Variants in MMP19 observed in about 807,000 individuals in gnomAD.
MMP19 encodes the protein matrix metalloproteinase-19.
Under a neutral mutation model 46.6 loss-of-function variants are expected in MMP19, and 47 were observed. The observed-to-expected ratio is 1.01, with a 90% CI of 0.80 to 1.29. MMP19 has a LOEUF of 1.29. MMP19 is among the 50% of genes most tolerant of loss of function. The pLI is 0.00. For missense variants in MMP19, 589 were observed against 643.5 expected, an observed-to-expected ratio of 0.92 and a Z score of 0.92; for synonymous variants, 222 against 248.5, an observed-to-expected ratio of 0.89 and a Z score of 1.00.
Position 55,837,875 on chromosome 12 carries a change from G to C in MMP19, c.1028C>G (p.Ser343Trp). The change falls in exon 7 of 9, where the codon TCG becomes TGG. Residue 343 changes from serine (S) to tryptophan (W), a missense_variant. By Grantham distance (177) the Ser-to-Trp change is radical. Coordinates refer to ENST00000322569, the MANE Select transcript of MMP19 (RefSeq NM_002429.6). Reference protein sequence around the residue: ...LPGNLDAAVYSPRTQWIHFFK... With the variant: ...LPGNLDAAVYWPRTQWIHFFK... ...GAAGTGAATCCATTGTGTTCGAGGC[G>C]AGTAGACAGCAGCATCCAGGTTTCC... is the stretch of plus-strand genomic sequence containing the variant. 6.2e-7 allele frequency: 1 copy of C among 1,612,538 alleles called. No individual in the cohort carries two copies. The highest frequency in any genetic ancestry group is 8.5e-7 in the Non-Finnish European group (1 of 1,178,750).
Position 55,840,793 on chromosome 12 carries a change from C to T in MMP19, c.394G>A (p.Ala132Thr). The T allele has an allele frequency of 2.5e-6, 4 of 1,613,648 alleles. No individual in the cohort carries two copies. The South Asian group carries it at 4.4e-5, about 18-fold the overall frequency. Residue 132 changes from alanine to threonine, a missense_variant, in exon 4 of 9, where the codon GCC (alanine) becomes ACC (threonine). Coordinates refer to ENST00000322569, the MANE Select transcript of MMP19 (RefSeq NM_002429.6). Reference sequence around the variant, plus strand: ...GCCACATTGCTCCAGTCCTGGAAGGCTTGACGCAGGGCTGCCCGGGCTGTG... The same window carrying T: ...GCCACATTGCTCCAGTCCTGGAAGGTTTGACGCAGGGCTGCCCGGGCTGTG... ...PHTARAALRQ[A>T]FQDWSNVAPL...
At chr12:55,838,499 C>T in intron 6 of MMP19, 107 bp downstream of exon 6, 2 of 1,608,374 alleles carry the variant, frequency 1.2e-6, no homozygotes, top group Non-Finnish European at 1.7e-6. Flanking sequence ...TGGGGTCTAA[C>T]CTCCATTGCT....
chr12:55,837,874 C>T lies in MMP19; in HGVS notation c.1029G>A (p.Ser343=), dbSNP rs761794268. The change falls in exon 7 of 9, where the codon TCG becomes TCA. Residue 343 remains serine, a synonymous_variant. Coordinates refer to ENST00000322569, the MANE Select transcript of MMP19 (RefSeq NM_002429.6). ...LPGNLDAAVY[S]PRTQWIHFFK... ...AGAAGTGAATCCATTGTGTTCGAGG[C>T]GAGTAGACAGCAGCATCCAGGTTTC... is the stretch of plus-strand genomic sequence containing the variant. 9.3e-6 allele frequency: 15 copies of T among 1,612,264 alleles called. No individual in the cohort carries two copies. In the South Asian group the frequency reaches 1.4e-4, roughly 15 times the overall value.
At chr12:55,838,999 G>A (rs1226000935) in intron 5 of MMP19, among the ~76,000 whole-genome samples, 1 of 152,134 alleles carries the variant, frequency 6.6e-6, no homozygotes, top group Non-Finnish European at 1.5e-5. Flanking sequence ...TAGGACTTTG[G>A]GAGGCTGAGG....
chr12:55,837,460 G>A (rs1321627764), intron 8 of MMP19, 86 bp from the exon 9 acceptor site: 26 of 1,586,420 alleles, frequency 1.6e-5, no homozygotes, highest in Non-Finnish European at 2.1e-5. Context: ...CACTGCAGCT[G>A]CAGAACATCT....
intron 5 of MMP19, 117 bp from the exon 6 acceptor site, chr12:55,838,851 C>T (rs1881461537): frequency 2.4e-6 from 2 of 822,842 alleles, no homozygotes; most frequent in Non-Finnish European, 1.9e-6. Context: ...AATCCTAGAG[C>T]GTTTTCATTT....
At chr12:55,839,159 T>G (rs1025092126) in intron 5 of MMP19, among the ~76,000 whole-genome samples, 10 of 151,402 alleles carry the variant, frequency 6.6e-5, no homozygotes, top group African/African-American at 1.2e-4. Context: ...GGAGAATGGC[T>G]TGAACCCGGG....
At chr12:55,839,386 G>C in intron 5 of MMP19, 110 bp downstream of exon 5, 1 of 1,361,254 alleles carries the variant, frequency 7.3e-7, no homozygotes, top group Non-Finnish European at 1.0e-6. Flanking sequence ...CTGGGCTGGA[G>C]GAGAAGAAAG....
intron 7 of MMP19, 44 bp downstream of exon 7, chr12:55,837,799 G>T: frequency 6.3e-7 from 1 of 1,593,838 alleles, no homozygotes; most frequent in Non-Finnish European, 8.6e-7. Context: ...GTTTCTTTAA[G>T]ATTAGGCCCT....
chr12:55,840,595 A>C (rs1362235842), intron 4 of MMP19, 72 bp downstream of exon 4: 1 of 1,450,166 alleles, frequency 6.9e-7, no homozygotes, highest in Admixed American at 1.8e-5. Context: ...TCAAGGTTCT[A>C]GAGTCACTGG....
intron 4 of MMP19, 150 bp downstream of exon 4, chr12:55,840,517 G>GCCCGTGCT (rs1565698373): frequency 8.7e-6 from 6 of 689,354 alleles, no homozygotes; most frequent in Non-Finnish European, 1.4e-5. Flanking sequence ...GACCAACTGC[G>GCCCGTGCT]CCCGTGCTCC....
rs1204075258 is a variant in MMP19, at chr12:55,840,785, C to A, written c.402G>T (p.Gln134His). 1.9e-6 allele frequency: 3 copies of A among 1,613,730 alleles called. No homozygotes were observed. The African/African-American group carries it at 4.0e-5, about 22-fold the overall frequency. Residue 134 changes from glutamine (Q) to histidine (H), a missense_variant, in exon 4 of 9, where the codon CAG (glutamine) becomes CAT (histidine). Transcript: ENST00000322569. The stretch of plus-strand genomic sequence containing the variant: ...TCAAGGGAGCCACATTGCTCCAGTC[C>A]TGGAAGGCTTGACGCAGGGCTGCCC... ...TARAALRQAFQDWSNVAPLTF... is the reference protein window; with the variant it reads ...TARAALRQAFHDWSNVAPLTF...
At chr12:55,837,472 C>A in intron 8 of MMP19, 83 bp downstream of exon 8, 1 of 1,594,902 alleles carries the variant, frequency 6.3e-7, no homozygotes, top group African/African-American at 1.3e-5. Context: ...AGAACATCTC[C>A]CTTCAAGCGC....
chr12:55,837,193 A>G lies in MMP19; in HGVS notation c.1370T>C (p.Val457Ala). The change falls in exon 9 of 9, where the codon GTA becomes GCA. Residue 457 changes from valine (V) to alanine (A), a missense_variant. By Grantham distance (64) the Val-to-Ala change is moderately conservative (BLOSUM62 0). Coordinates refer to ENST00000322569, the MANE Select transcript of MMP19 (RefSeq NM_002429.6). Reference sequence around the variant, plus strand: ...AATATTTCTGGGATAGCCTTTCTCTACTCGAAGCTGCTGGTTGAGGCGCCA... The same window carrying G: ...AATATTTCTGGGATAGCCTTTCTCTGCTCGAAGCTGCTGGTTGAGGCGCCA... ...VYWRLNQQLR[V>A]EKGYPRNISH... is the part of the protein sequence containing the mutation. 6.2e-7 allele frequency: 1 copy of G among 1,614,086 alleles called. No homozygotes were observed. Among genetic ancestry groups the G allele is most frequent in the African/African-American group, 1.3e-5 (1 of 74,982 alleles).
At chr12:55,838,243 C>T in intron 6 of MMP19, 1 of 621,250 alleles carries the variant, frequency 1.6e-6, no homozygotes, top group East Asian at 2.8e-5. Flanking sequence ...CTGCAGATAG[C>T]TATTCCTCCT....
Position 55,839,481 on chromosome 12 carries a change from G to A in MMP19, c.766+15C>T, listed in dbSNP as rs767677068. ...GTCAGACTGACCCTCCCCCTCACTA[G>A]GGGGAGGGACTGACCATAGAGAGCC... On this transcript the variant is annotated intron_variant, in intron 5 of 8. Coordinates refer to ENST00000322569, the MANE Select transcript of MMP19 (RefSeq NM_002429.6). 6.3e-7 allele frequency: 1 copy of A among 1,590,936 alleles called. No homozygotes were observed. Among genetic ancestry groups the A allele is most frequent in the South Asian group, 1.1e-5 (1 of 89,416 alleles).
chr12:55,838,307 T>C (rs1592605338), intron 6 of MMP19: 3 of 650,570 alleles, frequency 4.6e-6, no homozygotes, highest in South Asian at 3.8e-5. Flanking sequence ...TCCAACCAGG[T>C]GCACCCTCTC....
rs201586295 is a variant in MMP19 at position 55,837,608 on chromosome 12, T to G, written c.1135A>C (p.Asn379His). 5 of 1,614,116 alleles carry G rather than the reference T, an allele frequency of 3.1e-6. No homozygotes were observed. The highest frequency in any genetic ancestry group is 4.2e-6 in the Non-Finnish European group (5 of 1,180,058). The change falls in exon 8 of 9, where the codon AAC (asparagine) becomes CAC (histidine). Residue 379 changes from asparagine to histidine, a missense_variant. Physicochemically the swap from Asn to His is moderately conservative, Grantham distance 68. Transcript: ENST00000322569. ...FPKKLNRVEP[N>H]LDAALYWPLN... ...GGCCAATAGAGAGCTGCATCCAGGT[T>G]AGGTTCTACCCTATTCAGCTTCTTG... is the stretch of plus-strand genomic sequence containing the variant.
chr12:55,836,802 A>G lies in MMP19; in HGVS notation c.*234T>C. The G allele has an allele frequency of 2.4e-6, 1 of 414,080 alleles. No homozygotes were observed. The highest frequency in any genetic ancestry group is 2.0e-5 in the African/African-American group (1 of 49,012). 25.7% of individuals were successfully genotyped at this position (414,080 alleles called of 1,614,324 possible). A position where few individuals can be genotyped will look rare whatever the true frequency, so the allele number is the denominator to read the frequency against. On this transcript the variant is annotated 3_prime_UTR_variant, in exon 9 of 9. Coordinates refer to ENST00000322569, the MANE Select transcript of MMP19 (RefSeq NM_002429.6). ...GGCCAAATCTAAGTTAGGGGATCTG[A>G]GTTAGGGGAGCACTTCTCAGGAGTG...
Sources: gnomAD v4.1 joint callset for allele counts (sites outside exome capture counted in the v4.1 genomes callset) on GRCh38, gnomAD v4.1.1 for gene constraint, MANE v1.5 for transcripts, NCBI Gene and HGNC (gene_info 2026-07-23, HGNC 2026-07-21) for gene names.